Variants in SLC35F1 observed in about 807,000 individuals in gnomAD.
The protein encoded by SLC35F1 is solute carrier family 35 member F1, also known as chromosome 6 open reading frame 169.
In SLC35F1, 14 loss-of-function variants were observed where a neutral mutation model predicts 48.7. The ratio of observed to expected loss-of-function variants is 0.29; its 90% confidence interval spans 0.19 to 0.45. The LOEUF (loss-of-function observed/expected upper bound fraction) is 0.45, where lower values mean the gene tolerates loss of function less well. SLC35F1 is among the 20% of genes least tolerant of loss of function. SLC35F1 has a pLI of 1.00. For synonymous variants in SLC35F1, 190 were observed against 202.2 expected (o/e 0.94, Z 0.51); for missense variants, 404 against 500.0 (o/e 0.81, Z 1.83).
At chr6:118,306,812 CTGTT>C (rs1422645398) in intron 7 of SLC35F1, among the ~76,000 whole-genome samples, 1 of 152,188 alleles carries the variant, frequency 6.6e-6, no homozygotes, top group Non-Finnish European at 1.5e-5. Flanking sequence ...GTGAAACTGT[CTGTT>C]TGTCATATAG....
intron 2 of SLC35F1, among the ~76,000 whole-genome samples, chr6:118,192,413 T>C (rs1161989515): frequency 1.3e-5 from 2 of 152,172 alleles, no homozygotes; most frequent in Admixed American, 1.3e-4. Context: ...TAGAAACCTG[T>C]ATTCAAGAGT....
intron 6 of SLC35F1, among the ~76,000 whole-genome samples, chr6:118,278,061 GA>G (rs1775939280): frequency 6.6e-6 from 1 of 152,232 alleles, no homozygotes; most frequent in African/African-American, 2.4e-5. Flanking sequence ...AATGGATTTA[GA>G]AAATACCAGA....
chr6:118,235,024 A>G lies in SLC35F1; in HGVS notation c.350-485A>G, dbSNP rs140982482. 2.4e-3 allele frequency among the ~76,000 whole-genome samples: 359 copies of G among 152,306 alleles called. 1 individual carries two copies. The highest frequency in any genetic ancestry group is 3.9e-3 in the Non-Finnish European group (266 of 68,030). ...CACAAACCACTAGAGTGCATGCAACATTCAAAGCTGATCAGGAACTCAGGA... is the reference window on the plus strand; with the variant it reads ...CACAAACCACTAGAGTGCATGCAACGTTCAAAGCTGATCAGGAACTCAGGA... On this transcript the variant is annotated intron_variant, in intron 2 of 7. Transcript: ENST00000360388.
chr6:118,181,686 C>A (rs944648275), intron 2 of SLC35F1, among the ~76,000 whole-genome samples: 1 of 150,926 alleles, frequency 6.6e-6, no homozygotes, highest in East Asian at 1.9e-4. Context: ...TCTAGATGTA[C>A]GATGATTATA....
chr6:118,300,436 A>G (rs1776242794), intron 7 of SLC35F1, among the ~76,000 whole-genome samples: 1 of 152,204 alleles, frequency 6.6e-6, no homozygotes, highest in South Asian at 2.1e-4. Context: ...CACACTTTTA[A>G]GTATTGCAGA....
At chr6:118,025,464 T>C (rs1777450176) in intron 1 of SLC35F1, among the ~76,000 whole-genome samples, 2 of 152,324 alleles carry the variant, frequency 1.3e-5, no homozygotes, top group East Asian at 1.9e-4. Context: ...TGTCAGATTT[T>C]ACCAGAAAGT....
intron 1 of SLC35F1, among the ~76,000 whole-genome samples, chr6:117,970,747 T>C (rs1776627256): frequency 6.6e-6 from 1 of 152,130 alleles, no homozygotes; most frequent in Non-Finnish European, 1.5e-5. Context: ...GAACTGCCCT[T>C]TATAAAACCA....
At chr6:118,193,876 C>A (rs1183029543) in intron 2 of SLC35F1, among the ~76,000 whole-genome samples, 1 of 152,152 alleles carries the variant, frequency 6.6e-6, no homozygotes, top group Non-Finnish European at 1.5e-5. Context: ...AAGCATTTAG[C>A]AAACCTAATA....
At chr6:118,199,196 T>C (rs1212398688) in intron 2 of SLC35F1, among the ~76,000 whole-genome samples, 1 of 152,232 alleles carries the variant, frequency 6.6e-6, no homozygotes. Context: ...AAGACAGTTC[T>C]TTCTTATCTC....
intron 1 of SLC35F1, among the ~76,000 whole-genome samples, chr6:118,068,325 A>G (rs1264238301): frequency 6.6e-6 from 1 of 152,204 alleles, no homozygotes; most frequent in Non-Finnish European, 1.5e-5. Flanking sequence ...CACAAAGAAT[A>G]AAGTTAGAGC....
At chr6:118,286,950 A>G (rs1184453667) in intron 7 of SLC35F1, among the ~76,000 whole-genome samples, 12 of 152,144 alleles carry the variant, frequency 7.9e-5, no homozygotes, top group Admixed American at 5.9e-4. Flanking sequence ...CCCTCTAGCT[A>G]TCATCTCTCC....
At chr6:118,128,909 T>G (rs1773669810) in intron 1 of SLC35F1, among the ~76,000 whole-genome samples, 1 of 152,170 alleles carries the variant, frequency 6.6e-6, no homozygotes, top group African/African-American at 2.4e-5. Flanking sequence ...TCTTTGAAGC[T>G]CAGTGTTTTA....
chr6:117,985,594 C>A (rs1382380761), intron 1 of SLC35F1, among the ~76,000 whole-genome samples: 1 of 118,360 alleles, frequency 8.4e-6, no homozygotes, highest in South Asian at 3.4e-4. Flanking sequence ...CCATTGAATA[C>A]CTGTAGTTGA....
intron 1 of SLC35F1, among the ~76,000 whole-genome samples, chr6:117,940,397 T>C (rs983939404): frequency 6.6e-6 from 1 of 152,210 alleles, no homozygotes; most frequent in Non-Finnish European, 1.5e-5. Context: ...TTCTTGCTTA[T>C]TTATTCATTT....
intron 1 of SLC35F1, among the ~76,000 whole-genome samples, chr6:118,084,880 C>G (rs1772963927): frequency 6.6e-6 from 1 of 152,114 alleles, no homozygotes; most frequent in East Asian, 1.9e-4. Context: ...CTTTCAAGGT[C>G]TTATCACTTC....
chr6:118,222,981 T>C (rs1347845751), intron 2 of SLC35F1, among the ~76,000 whole-genome samples: 1 of 152,218 alleles, frequency 6.6e-6, no homozygotes, highest in African/African-American at 2.4e-5. Context: ...GAAATGTATT[T>C]AATGATGATA....
rs558658421 is a variant in SLC35F1, at chr6:118,084,413, C to T, written c.174-70032C>T. 2.6e-5 allele frequency among the ~76,000 whole-genome samples: 4 copies of T among 152,208 alleles called. No individual in the cohort carries two copies. In the South Asian group the frequency reaches 8.3e-4, roughly 32 times the overall value. On this transcript the variant is annotated intron_variant, in intron 1 of 7. Transcript: ENST00000360388. Reference sequence around the variant, plus strand: ...GTAATTTTCCACATGCACACTCAGACATTTCTAGATGTTTCTAAACGATAC... The same window carrying T: ...GTAATTTTCCACATGCACACTCAGATATTTCTAGATGTTTCTAAACGATAC...
rs187309137 is a variant in SLC35F1 at position 118,183,216 on chromosome 6, T to C, written c.349+28596T>C. Among the ~76,000 whole-genome samples the C allele has an allele frequency of 9.7e-4, 147 of 152,286 alleles. 1 individual carries two copies. Among genetic ancestry groups the C allele is most frequent in the African/African-American group, 3.5e-3 (144 of 41,566 alleles). On this transcript the variant is annotated intron_variant, in intron 2 of 7. Coordinates refer to ENST00000360388, the MANE Select transcript of SLC35F1 (RefSeq NM_001029858.4). ...AAACCCATAACAGTTAGCAAATGAT[T>C]GGTTGGCATGTTTATATTTCATGGT...
At chr6:117,919,474 G>A (rs1775868778) in intron 1 of SLC35F1, among the ~76,000 whole-genome samples, 1 of 152,136 alleles carries the variant, frequency 6.6e-6, no homozygotes, top group Admixed American at 6.5e-5. Flanking sequence ...AGGAGAGCCT[G>A]GGTTTTCGTG....
Sources: allele counts gnomAD v4.1 joint callset (sites outside exome capture counted in the v4.1 genomes callset), GRCh38; gene constraint gnomAD v4.1.1; transcripts MANE v1.5; gene names NCBI Gene and HGNC (gene_info 2026-07-23, HGNC 2026-07-21).